Variants in MAFK observed in about 807,000 individuals in gnomAD.
MAFK encodes MAF bZIP transcription factor K.
In MAFK, 1 loss-of-function variant was observed where a neutral mutation model predicts 9.2. The observed-to-expected ratio is 0.11, with a 90% CI of 0.04 to 0.52. The LOEUF (loss-of-function observed/expected upper bound fraction) is 0.52, where lower values mean the gene tolerates loss of function less well. MAFK is among the 20% of genes least tolerant of loss of function. The pLI, the probability that MAFK is intolerant of heterozygous loss-of-function variation, is 0.94. For missense variants in MAFK, 207 were observed against 236.0 expected (o/e 0.88, Z 0.81); for synonymous variants, 110 against 107.4 (o/e 1.02, Z -0.15).
Position 1,534,191 on chromosome 7 carries a change from T to C in MAFK, c.-45+3293T>C, listed in dbSNP as rs1444703665. 1.3e-5 allele frequency: 6 copies of C among 452,610 alleles called. No individual in the cohort carries two copies. The East Asian group carries it at 3.5e-4, about 26-fold the overall frequency. The allele number at this position is 452,610 out of a possible 1,614,324, so 28.0% of individuals were successfully genotyped here. On this transcript the variant is annotated intron_variant, in intron 1 of 2. Transcript: ENST00000343242. This position sits in a 1 kb window ranked among gnomAD's most constrained non-coding sequence, Gnocchi z 4.3. ...GCCTCCCGCATGCTTAGTGGGGCTGTGTCCGGGACAGCCGGACAGTGGGGG... is the reference window on the plus strand; with the variant it reads ...GCCTCCCGCATGCTTAGTGGGGCTGCGTCCGGGACAGCCGGACAGTGGGGG...
intron 1 of MAFK, among the ~76,000 whole-genome samples, chr7:1,536,373 G>C (rs565842760): frequency 4.2e-4 from 64 of 152,316 alleles, no homozygotes; most frequent in African/African-American, 1.5e-3. Flanking sequence ...TGCTGGAGGG[G>C]AGCTTGGCTG....
rs991598131 is a variant in MAFK at position 1,532,096 on chromosome 7, C to G, written c.-45+1198C>G. Reference sequence around the variant, plus strand: ...TCTAGGGGATATCTGTGTGGTTCGGCTCTGGCAGCGCCCTTCCCACCCCTC... The same window carrying G: ...TCTAGGGGATATCTGTGTGGTTCGGGTCTGGCAGCGCCCTTCCCACCCCTC... On this transcript the variant is annotated intron_variant, in intron 1 of 2. Coordinates refer to ENST00000343242, the MANE Select transcript of MAFK (RefSeq NM_002360.4). This position sits in a 1 kb window ranked among gnomAD's most constrained non-coding sequence, Gnocchi z 4.5. 1.3e-5 allele frequency among the ~76,000 whole-genome samples: 2 copies of G among 152,226 alleles called. No homozygotes were observed. The highest frequency in any genetic ancestry group is 4.8e-5 in the African/African-American group (2 of 41,460).
In MAFK at chr7:1,534,503, T is replaced by C. The variant is rs1419044345; in HGVS notation, c.-45+3605T>C. 1 of 447,326 alleles carries C rather than the reference T, an allele frequency of 2.2e-6. No individual in the cohort carries two copies. The highest frequency in any genetic ancestry group is 4.5e-6 in the Non-Finnish European group (1 of 220,206). 27.7% of individuals were successfully genotyped at this position (447,326 alleles called of 1,614,324 possible). ...CGGGGGGCGGGAGGGCGCTTGCTGC[T>C]GTGCTGCTGGGTTTCTGAACCCGTG... On this transcript the variant is annotated intron_variant, in intron 1 of 2. Transcript: ENST00000343242. This position sits in a 1 kb window ranked among gnomAD's most constrained non-coding sequence, Gnocchi z 4.3.
chr7:1,534,728 C>T lies in MAFK; in HGVS notation c.-45+3830C>T, dbSNP rs1245808687. 1 of 437,750 alleles carries T rather than the reference C, an allele frequency of 2.3e-6. No homozygotes were observed. Among genetic ancestry groups the T allele is most frequent in the African/African-American group, 2.0e-5 (1 of 49,812 alleles). The allele number at this position is 437,750 out of a possible 1,614,324, so 27.1% of individuals were successfully genotyped here. A position where few individuals can be genotyped will look rare whatever the true frequency, so the allele number is the denominator to read the frequency against. Reference sequence around the variant, plus strand: ...ACCCCTTGGGCAAGAACAAGTGACCCATCCAGAGCCCCCATGCTGGCCTCG... The same window carrying T: ...ACCCCTTGGGCAAGAACAAGTGACCTATCCAGAGCCCCCATGCTGGCCTCG... On this transcript the variant is annotated intron_variant, in intron 1 of 2. Transcript: ENST00000343242. The surrounding 1 kb of genome is among the most constrained non-coding windows in gnomAD (Gnocchi z 4.3).
At chr7:1,535,905 C>T (rs1204517569) in intron 1 of MAFK, among the ~76,000 whole-genome samples, 1 of 152,254 alleles carries the variant, frequency 6.6e-6, no homozygotes, top group South Asian at 2.1e-4. Context: ...CTCCGTCACT[C>T]ATCCCCAGCT....
intron 2 of MAFK, among the ~76,000 whole-genome samples, chr7:1,539,696 C>T (rs1206472827): frequency 2.6e-5 from 4 of 152,194 alleles, no homozygotes; most frequent in African/African-American, 9.7e-5. Flanking sequence ...CTGAGGCTGT[C>T]GGTAACCAGG....
intron 1 of MAFK, among the ~76,000 whole-genome samples, chr7:1,535,547 C>T (rs1173635231): frequency 1.3e-5 from 2 of 152,142 alleles, no homozygotes; most frequent in African/African-American, 4.8e-5. Context: ...CCCAGCTGCT[C>T]GGGAGGCTGA....
Position 1,540,147 on chromosome 7 carries a change from G to T in MAFK, c.243G>T (p.Arg81=), listed in dbSNP as rs1424007766. Residue 81 remains arginine (R), a synonymous_variant, in exon 3 of 3, where the codon CGG becomes CGT. Coordinates refer to ENST00000343242, the MANE Select transcript of MAFK (RefSeq NM_002360.4). ...KRVTQKEELE[R]QRVELQQEVE... is the part of the protein sequence containing the mutation. The stretch of plus-strand genomic sequence containing the variant: ...TGACGCAGAAGGAGGAGCTGGAGCG[G>T]CAGCGCGTGGAGCTGCAGCAGGAGG... The T allele has an allele frequency of 1.9e-6, 3 of 1,569,918 alleles. No homozygotes were observed. In the East Asian group the frequency reaches 7.1e-5, roughly 37 times the overall value.
chr7:1,530,852 TGCCCGCGAGGAGCCGCCGCGC>T lies in MAFK; in HGVS notation c.-83_-63del, dbSNP rs962156663. The T allele has an allele frequency of 3.7e-5, 5 of 133,676 alleles. No individual in the cohort carries two copies. The highest frequency in any genetic ancestry group is 5.3e-5 in the African/African-American group (2 of 37,614). 8.3% of individuals were successfully genotyped at this position (133,676 alleles called of 1,614,324 possible). A position where few individuals can be genotyped will look rare whatever the true frequency, so the allele number is the denominator to read the frequency against. ...TGAGCGCCGGCGCGAGGACAGCGCG[TGCCCGCGAGGAGCCGCCGCGC>T]GCCCGCGCCCTCCGCGCGACGCCAG... On this transcript the variant is annotated 5_prime_UTR_variant, in exon 1 of 3. Transcript: ENST00000343242.
In MAFK at chr7:1,532,545, C is replaced by G. The variant is rs1025991579; in HGVS notation, c.-45+1647C>G. ...GCCAGGGCTTTGAGGGGCTGGTTGC[C>G]CGCAGCGTCGACTCCCCAGGTGCTG... On this transcript the variant is annotated intron_variant, in intron 1 of 2. Coordinates refer to ENST00000343242, the MANE Select transcript of MAFK (RefSeq NM_002360.4). This position sits in a 1 kb window ranked among gnomAD's most constrained non-coding sequence, Gnocchi z 4.5. Among the ~76,000 whole-genome samples the G allele has an allele frequency of 1.2e-4, 19 of 152,168 alleles. No homozygotes were observed. The highest frequency in any genetic ancestry group is 4.3e-4 in the African/African-American group (18 of 41,432).
chr7:1,539,902 A>C, intron 2 of MAFK, 39 bp from the exon 3 acceptor site: 2 of 1,466,428 alleles, frequency 1.4e-6, no homozygotes, highest in Non-Finnish European at 1.8e-6. Flanking sequence ...CAGACACCCC[A>C]CGTTCTCCCG....
chr7:1,538,096 C>G (rs1278000593), intron 1 of MAFK: 1 of 194,892 alleles, frequency 5.1e-6, no homozygotes, highest in East Asian at 1.9e-4. Context: ...GACCTGAAGT[C>G]AGGATCGCGT....
intron 1 of MAFK, among the ~76,000 whole-genome samples, chr7:1,536,299 G>A (rs995955461): frequency 4.6e-5 from 7 of 152,180 alleles, no homozygotes; most frequent in African/African-American, 9.6e-5. Flanking sequence ...TGTGCGTGGC[G>A]ATGCTGGTGT....
intron 1 of MAFK, chr7:1,538,006 C>T (rs1784077208): frequency 6.4e-6 from 1 of 156,390 alleles, no homozygotes; most frequent in African/African-American, 2.4e-5. Context: ...CTGCCCGGCG[C>T]CTTCTGCCCG....
intron 1 of MAFK, among the ~76,000 whole-genome samples, chr7:1,531,561 G>A (rs1228661738): frequency 6.6e-6 from 1 of 152,232 alleles, no homozygotes; most frequent in African/African-American, 2.4e-5. Context: ...GCAGGTGACA[G>A]TGGCCCCAAG....
At position 1,534,856 on chromosome 7, in the gene MAFK, C is replaced by T. The variant is rs999576932; in HGVS notation, c.-45+3958C>T. On this transcript the variant is annotated intron_variant, in intron 1 of 2. Coordinates refer to ENST00000343242, the MANE Select transcript of MAFK (RefSeq NM_002360.4). This position sits in a 1 kb window ranked among gnomAD's most constrained non-coding sequence, Gnocchi z 4.3. Reference sequence around the variant, plus strand: ...ATGGGCATCCACAGCCGGGACCGTTCAGAGGGGTCATCCAGCCGTCAGCTG... The same window carrying T: ...ATGGGCATCCACAGCCGGGACCGTTTAGAGGGGTCATCCAGCCGTCAGCTG... 15 of 324,296 alleles carry T rather than the reference C, an allele frequency of 4.6e-5. No individual in the cohort carries two copies. Among genetic ancestry groups the T allele is most frequent in the South Asian group, 2.7e-4 (11 of 40,852 alleles). 20.1% of individuals were successfully genotyped at this position (324,296 alleles called of 1,614,324 possible).
rs1255717614 is a variant in MAFK at position 1,534,486 on chromosome 7, G to T, written c.-45+3588G>T. ...CCGTGGGAGTCACTGGTCGGGGGGC[G>T]GGAGGGCGCTTGCTGCTGTGCTGCT... is the stretch of plus-strand genomic sequence containing the variant. On this transcript the variant is annotated intron_variant, in intron 1 of 2. Coordinates refer to ENST00000343242, the MANE Select transcript of MAFK (RefSeq NM_002360.4). The surrounding 1 kb of genome is among the most constrained non-coding windows in gnomAD (Gnocchi z 4.3). 2 of 440,090 alleles carry T rather than the reference G, an allele frequency of 4.5e-6. No homozygotes were observed. Among genetic ancestry groups the T allele is most frequent in the Non-Finnish European group, 4.6e-6 (1 of 215,472 alleles). The allele number at this position is 440,090 out of a possible 1,614,324, so 27.3% of individuals were successfully genotyped here.
chr7:1,531,552 C>T (rs1783906138), intron 1 of MAFK, among the ~76,000 whole-genome samples: 1 of 152,196 alleles, frequency 6.6e-6, no homozygotes, highest in African/African-American at 2.4e-5. Context: ...GGGAGGGGGG[C>T]AGGTGACAGT....
chr7:1,539,950 G>C lies in MAFK; in HGVS notation c.46G>C (p.Glu16Gln), dbSNP rs1384639345. 1 of 1,529,806 alleles carries C rather than the reference G, an allele frequency of 6.5e-7. No homozygotes were observed. Among genetic ancestry groups the C allele is most frequent in the Admixed American group, 2.0e-5 (1 of 49,688 alleles). The allele number at this position is 1,529,806 out of a possible 1,614,324, so 94.8% of individuals were successfully genotyped here. A position where few individuals can be genotyped will look rare whatever the true frequency, so the allele number is the denominator to read the frequency against. Residue 16 changes from glutamate to glutamine, a missense_variant, in exon 3 of 3, where the codon GAG (glutamate) becomes CAG (glutamine). Transcript: ENST00000343242. ...CACTGTGGCCCCCCAGGTCAAGAAG[G>C]AGGCGGGCGAGAACGCCCCGGTGCT... ...KPNKALKVKKEAGENAPVLSD... is the reference protein window; with the variant it reads ...KPNKALKVKKQAGENAPVLSD...
Sources: allele counts gnomAD v4.1 joint callset (sites outside exome capture counted in the v4.1 genomes callset), GRCh38; gene constraint gnomAD v4.1.1; non-coding constraint Gnocchi (gnomAD v3.1); transcripts MANE v1.5; gene names NCBI Gene and HGNC (gene_info 2026-07-23, HGNC 2026-07-21).